The following TENM3 variants were observed in gnomAD, a reference collection of about 807,000 sequenced individuals.
TENM3 encodes the protein teneurin-3.
A neutral mutation model predicts 255.1 loss-of-function variants in TENM3; 63 were observed. That is an observed-to-expected ratio of 0.25 (90% CI 0.20 to 0.30). The LOEUF (loss-of-function observed/expected upper bound fraction) is 0.30, where lower values mean the gene tolerates loss of function less well. Ranked by LOEUF, TENM3 falls within the 10% of genes least tolerant of loss-of-function variation. The pLI is 1.00. For missense variants in TENM3, 2,929 were observed against 3,461.1 expected, an observed-to-expected ratio of 0.85 and a Z score of 3.86; for synonymous variants, 1,306 against 1,322.3, an observed-to-expected ratio of 0.99 and a Z score of 0.27.
chr4:182,678,146 C>A (rs1308038835), intron 7 of TENM3, among the ~76,000 whole-genome samples: 1 of 152,144 alleles, frequency 6.6e-6, no homozygotes, highest in African/African-American at 2.4e-5. Flanking sequence ...CTACTTTTAA[C>A]AATTGTAATC....
the TENM3 span, among the ~76,000 whole-genome samples, chr4:181,551,852 G>A: frequency 7.5e-3 from 202 of 26,850 alleles, no homozygotes; most frequent in African/African-American, 0.018. Flanking sequence ...GTGTGTGTGT[G>A]TGTGTGTGTG....
the TENM3 span, among the ~76,000 whole-genome samples, chr4:181,611,868 G>C: frequency 6.6e-6 from 1 of 152,152 alleles, no homozygotes; most frequent in Admixed American, 6.5e-5. Context: ...TTGATCACTT[G>C]GAATTCACTT....
intron 3 of TENM3, among the ~76,000 whole-genome samples, chr4:182,480,117 A>G (rs749929682): frequency 1.3e-5 from 2 of 152,002 alleles, no homozygotes; most frequent in Non-Finnish European, 2.9e-5. Context: ...ATTACGATCT[A>G]TATTATTGTA....
the TENM3 span, among the ~76,000 whole-genome samples, chr4:181,503,676 T>C: frequency 6.6e-6 from 1 of 152,196 alleles, no homozygotes; most frequent in Non-Finnish European, 1.5e-5. Flanking sequence ...CCTAGTTCTC[T>C]ACCTGCTTTT....
At chr4:181,743,283 GTC>G in the TENM3 span, among the ~76,000 whole-genome samples, 1 of 152,156 alleles carries the variant, frequency 6.6e-6, no homozygotes, top group Non-Finnish European at 1.5e-5. Flanking sequence ...CTAGTTTACA[GTC>G]TCACCAACAG....
intron 4 of TENM3, among the ~76,000 whole-genome samples, chr4:182,616,981 C>T (rs536284643): frequency 6.6e-6 from 1 of 152,200 alleles, no homozygotes; most frequent in South Asian, 2.1e-4. Context: ...ATTTTTTCAG[C>T]TTTTAATTAG....
chr4:182,265,731 G>T (rs1759202768), intron 1 of TENM3, among the ~76,000 whole-genome samples: 2 of 152,102 alleles, frequency 1.3e-5, no homozygotes, highest in Non-Finnish European at 2.9e-5. Context: ...TATATGTGTT[G>T]TGTGTAGTGC....
At chr4:181,498,892 C>CT in the TENM3 span, among the ~76,000 whole-genome samples, 1 of 152,098 alleles carries the variant, frequency 6.6e-6, no homozygotes, top group African/African-American at 2.4e-5. Context: ...TAACTTCTAT[C>CT]TTTTTTCTTT....
At chr4:181,796,982 G>C in the TENM3 span, among the ~76,000 whole-genome samples, 2 of 152,116 alleles carry the variant, frequency 1.3e-5, no homozygotes, top group African/African-American at 4.8e-5. Context: ...TGTTGTGGGT[G>C]AGTTTATTTC....
chr4:181,493,061 G>T, the TENM3 span, among the ~76,000 whole-genome samples: 13 of 151,834 alleles, frequency 8.6e-5, no homozygotes, highest in African/African-American at 2.7e-4. Flanking sequence ...CACCAGGGAG[G>T]TTTTGGCACC....
chr4:182,238,374 C>T (rs553029413), intron 1 of TENM3, among the ~76,000 whole-genome samples: 2 of 152,308 alleles, frequency 1.3e-5, no homozygotes, highest in African/African-American at 2.4e-5. Flanking sequence ...CTGACCAGAA[C>T]GTTTTCCCCC....
chr4:181,890,954 C>T, the TENM3 span, among the ~76,000 whole-genome samples: 2 of 152,168 alleles, frequency 1.3e-5, no homozygotes, highest in African/African-American at 4.8e-5. Flanking sequence ...TTCTGAATCA[C>T]TGCACTCTTA....
chr4:182,062,889 G>T, the TENM3 span, among the ~76,000 whole-genome samples: 1 of 152,068 alleles, frequency 6.6e-6, no homozygotes, highest in Non-Finnish European at 1.5e-5. Flanking sequence ...ATGAAGAAAG[G>T]TTTTTAGCTA....
intron 1 of TENM3, among the ~76,000 whole-genome samples, chr4:182,196,312 A>G (rs1448876546): frequency 6.6e-6 from 1 of 152,030 alleles, no homozygotes; most frequent in Non-Finnish European, 1.5e-5. Context: ...TAACATTCAG[A>G]TGGTTCAGGA....
chr4:182,644,458 A>T (rs941516894), intron 5 of TENM3, among the ~76,000 whole-genome samples: 5 of 152,276 alleles, frequency 3.3e-5, no homozygotes, highest in Admixed American at 2.0e-4. Context: ...TGTGACACCA[A>T]CATATACGGG....
At chr4:181,527,073 C>CGACT in the TENM3 span, among the ~76,000 whole-genome samples, 1 of 114,956 alleles carries the variant, frequency 8.7e-6, no homozygotes, top group Non-Finnish European at 2.1e-5. Flanking sequence ...GCCCCCTGTG[C>CGACT]GACCAGTCAG....
chr4:182,282,754 G>A (rs1214022362), intron 1 of TENM3, among the ~76,000 whole-genome samples: 1 of 151,974 alleles, frequency 6.6e-6, no homozygotes, highest in Non-Finnish European at 1.5e-5. Context: ...CTAGCTGGAT[G>A]TGGTGGCACG....
chr4:182,498,358 G>A (rs6821999), intron 3 of TENM3, among the ~76,000 whole-genome samples: 134,994 of 152,138 alleles, frequency 0.89, 60,052 homozygotes, highest in East Asian at 0.95. Flanking sequence ...TTCATCATTC[G>A]TCTTCACCTC....
Position 182,766,049 on chromosome 4 carries a change from T to G in TENM3, c.4893-7423T>G, listed in dbSNP as rs1286120256. On this transcript the variant is annotated intron_variant, in intron 22 of 27. Coordinates refer to ENST00000511685, the MANE Select transcript of TENM3 (RefSeq NM_001080477.4). ...CTTTCCAAATGTGCCACCTACTTTT[T>G]AAAAATCTTTCCCACTTACTAGAAG... Among the ~76,000 whole-genome samples the G allele has an allele frequency of 2.0e-5, 3 of 152,198 alleles. No homozygotes were observed. The East Asian group carries it at 5.8e-4, about 29-fold the overall frequency.
Sources: gnomAD v4.1 joint callset for allele counts (sites outside exome capture counted in the v4.1 genomes callset) on GRCh38, gnomAD v4.1.1 for gene constraint, MANE v1.5 for transcripts, NCBI Gene and HGNC (gene_info 2026-07-23, HGNC 2026-07-21) for gene names.